Variants in RNF212 observed in about 807,000 individuals in gnomAD.
The protein encoded by RNF212 is probable E3 SUMO-protein ligase RNF212.
Under a neutral mutation model 34.7 loss-of-function variants are expected in RNF212, and 33 were observed. The ratio of observed to expected loss-of-function variants is 0.95; its 90% CI spans 0.72 to 1.27. The LOEUF (loss-of-function observed/expected upper bound fraction) is 1.27, where lower values mean the gene tolerates loss of function less well. RNF212 is among the 50% of genes most tolerant of loss of function. The pLI, the probability that RNF212 is intolerant of heterozygous loss-of-function variation, is 0.00. For missense variants in RNF212, 377 were observed against 362.2 expected, an observed-to-expected ratio of 1.04 and a Z score of -0.33; for synonymous variants, 140 against 136.1, an observed-to-expected ratio of 1.03 and a Z score of -0.20.
chr4:1,096,985 C>A, intron 2 of RNF212, 146 bp from the exon 3 acceptor site: 1 of 685,036 alleles, frequency 1.5e-6, no homozygotes, highest in Non-Finnish European at 2.6e-6. Context: ...GGGGCCCTGC[C>A]AGGGACAGCC....
chr4:1,090,930 C>A, intron 3 of RNF212, 92 bp from the exon 4 acceptor site: 1 of 794,194 alleles, frequency 1.3e-6, no homozygotes, highest in Non-Finnish European at 2.2e-6. Context: ...GAGGGACTCT[C>A]AGGAGAGCTC....
At chr4:1,076,708 G>A (rs1223787130) in intron 8 of RNF212, among the ~76,000 whole-genome samples, 2 of 152,326 alleles carry the variant, frequency 1.3e-5, no homozygotes, top group Middle Eastern at 3.4e-3. Flanking sequence ...AAGGCGTTTC[G>A]GGAGGTGAAA....
intron 3 of RNF212, among the ~76,000 whole-genome samples, chr4:1,058,838 C>G (rs1170162603): frequency 6.6e-6 from 1 of 152,152 alleles, no homozygotes; most frequent in Admixed American, 6.5e-5. Flanking sequence ...CGGACTGTGC[C>G]TGGCATACAC....
At chr4:1,068,802 G>C (rs1199256616), downstream of RNF212, among the ~76,000 whole-genome samples, 1 of 152,208 alleles carries the variant, frequency 6.6e-6, no homozygotes, top group Non-Finnish European at 1.5e-5. Flanking sequence ...ATTTTAAAAT[G>C]TTAATTTCAT....
chr4:1,097,035 C>T (rs1422854422), intron 2 of RNF212, among the ~76,000 whole-genome samples, 196 bp from the exon 3 acceptor site: 1 of 152,218 alleles, frequency 6.6e-6, no homozygotes, highest in Non-Finnish European at 1.5e-5. Context: ...CCACTTCCCT[C>T]TGAGGGCTGT....
intron 2 of RNF212, among the ~76,000 whole-genome samples, chr4:1,102,119 G>A (rs949021277): frequency 2.6e-5 from 4 of 152,150 alleles, no homozygotes; most frequent in Non-Finnish European, 5.9e-5. Flanking sequence ...CAGAGGAAAG[G>A]TTGAAAATTA....
At chr4:1,113,601 A>AAAGTCGACGGCAGCT, upstream of RNF212, 1 of 582,968 alleles carries the variant, frequency 1.7e-6, no homozygotes. Context: ...GCGCCCGCGC[A>AAAGTCGACGGCAGCT]CTGGAGCTCG....
intron 3 of RNF212, among the ~76,000 whole-genome samples, chr4:1,091,600 G>A (rs764880135): frequency 6.6e-6 from 1 of 152,162 alleles, no homozygotes; most frequent in Non-Finnish European, 1.5e-5. Context: ...AACACAAGCA[G>A]GAGGGAGCGG....
At chr4:1,078,403 G>A (rs145003816) in intron 8 of RNF212, among the ~76,000 whole-genome samples, 149 of 152,298 alleles carry the variant, frequency 9.8e-4, no homozygotes, top group African/African-American at 3.4e-3. Flanking sequence ...TGTGGCCGAT[G>A]TGGTACATCT....
intron 3 of RNF212, among the ~76,000 whole-genome samples, chr4:1,092,665 G>A (rs975021899): frequency 6.6e-6 from 1 of 152,256 alleles, no homozygotes; most frequent in Non-Finnish European, 1.5e-5. Context: ...AGAGAAACAG[G>A]TCAATGAAAT....
chr4:1,082,660 C>T (rs754876408), intron 5 of RNF212, among the ~76,000 whole-genome samples: 1 of 152,224 alleles, frequency 6.6e-6, no homozygotes, highest in Non-Finnish European at 1.5e-5. Flanking sequence ...TGTGTCCCGG[C>T]CCGACATACA....
chr4:1,059,802 T>C (rs1331475100), intron 3 of RNF212, among the ~76,000 whole-genome samples: 3 of 152,150 alleles, frequency 2.0e-5, no homozygotes, highest in Non-Finnish European at 4.4e-5. Flanking sequence ...ATATGGTCAG[T>C]TGAAATTGTA....
chr4:1,085,303 G>A lies in RNF212; in HGVS notation c.362+593C>T, dbSNP rs536913810. ...ACTGTATTCAGAACAGATGCAATAC[G>A]GCAAAAGCACGGATGAGCTAAAATG... On this transcript the variant is annotated intron_variant, in intron 5 of 9. Transcript: ENST00000433731. 7.2e-5 allele frequency among the ~76,000 whole-genome samples: 11 copies of A among 152,340 alleles called. No individual in the cohort carries two copies. The South Asian group carries it at 1.7e-3, about 23-fold the overall frequency.
downstream of RNF212, among the ~76,000 whole-genome samples, chr4:1,066,956 A>G (rs1718135984): frequency 6.6e-6 from 1 of 152,138 alleles, no homozygotes; most frequent in Non-Finnish European, 1.5e-5. Context: ...TCCATTTTGA[A>G]TTGACTTTTC....
downstream of RNF212, among the ~76,000 whole-genome samples, chr4:1,066,722 C>A (rs1319903943): frequency 1.3e-5 from 2 of 152,130 alleles, no homozygotes; most frequent in Non-Finnish European, 2.9e-5. Context: ...ATATGATTTG[C>A]AAATATTTTC....
At chr4:1,098,427 C>T (rs1341370490) in intron 2 of RNF212, among the ~76,000 whole-genome samples, 1 of 152,220 alleles carries the variant, frequency 6.6e-6, no homozygotes, top group Non-Finnish European at 1.5e-5. Flanking sequence ...CTGGAATCCA[C>T]TCCAGAATCC....
intron 1 of RNF212, among the ~76,000 whole-genome samples, chr4:1,111,758 G>C (rs374807041): frequency 1.3e-5 from 2 of 152,086 alleles, no homozygotes; most frequent in Non-Finnish European, 1.5e-5. Flanking sequence ...ACAGAAATGT[G>C]TACCTAAGAT....
chr4:1,079,851 T>C (rs1720039179), intron 7 of RNF212, among the ~76,000 whole-genome samples, 163 bp from the exon 8 acceptor site: 1 of 152,194 alleles, frequency 6.6e-6, no homozygotes, highest in African/African-American at 2.4e-5. Context: ...TCACTGCCAT[T>C]TTCCTCCCTC....
At chr4:1,080,933 A>G (rs1198810082) in intron 7 of RNF212, among the ~76,000 whole-genome samples, 1 of 152,234 alleles carries the variant, frequency 6.6e-6, no homozygotes, top group African/African-American at 2.4e-5. Flanking sequence ...AGGCAGGCAT[A>G]GCCTGGAGAT....
Sources: gnomAD v4.1 joint callset for allele counts (sites outside exome capture counted in the v4.1 genomes callset) on GRCh38, gnomAD v4.1.1 for gene constraint, MANE v1.5 for transcripts, NCBI Gene and HGNC (gene_info 2026-07-23, HGNC 2026-07-21) for gene names.